Variants in ZFPM2 observed in about 807,000 individuals in gnomAD.
ZFPM2 encodes the protein zinc finger protein, FOG family member 2.
Under a neutral mutation model 98.6 loss-of-function variants are expected in ZFPM2, and 20 were observed. The observed-to-expected ratio is 0.20, with a 90% CI of 0.14 to 0.29. The LOEUF (loss-of-function observed/expected upper bound fraction) is 0.29. Among genes scored for constraint, ZFPM2 ranks in the 10% least tolerant of loss-of-function variants. ZFPM2 has a pLI of 1.00. For synonymous variants in ZFPM2, 518 were observed against 502.7 expected, an observed-to-expected ratio of 1.03 and a Z score of -0.41; for missense variants, 1,310 against 1,388.6, an observed-to-expected ratio of 0.94 and a Z score of 0.90.
At chr8:105,606,240 T>C (rs911576133) in intron 4 of ZFPM2, among the ~76,000 whole-genome samples, 9 of 152,140 alleles carry the variant, frequency 5.9e-5, no homozygotes, top group Non-Finnish European at 1.2e-4. Flanking sequence ...ATATTATCTC[T>C]CCTCACCCTA....
At chr8:105,582,655 G>A (rs1484299038) in intron 4 of ZFPM2, among the ~76,000 whole-genome samples, 3 of 152,050 alleles carry the variant, frequency 2.0e-5, no homozygotes, top group South Asian at 2.1e-4. Flanking sequence ...GTGCAGCAGC[G>A]CAATCTCCAC....
intron 5 of ZFPM2, among the ~76,000 whole-genome samples, chr8:105,636,733 C>T (rs910988764): frequency 2.0e-5 from 3 of 152,146 alleles, no homozygotes; most frequent in African/African-American, 4.8e-5. Context: ...CTGAAATAGA[C>T]ATTTCACATA....
At chr8:105,522,776 G>A (rs1183165055) in intron 3 of ZFPM2, among the ~76,000 whole-genome samples, 1 of 151,808 alleles carries the variant, frequency 6.6e-6, no homozygotes, top group Non-Finnish European at 1.5e-5. Flanking sequence ...ATATATTTTT[G>A]TATAGAGTTC....
chr8:105,413,294 A>G (rs1202424087), intron 1 of ZFPM2, among the ~76,000 whole-genome samples: 1 of 151,804 alleles, frequency 6.6e-6, no homozygotes. Flanking sequence ...GTTTAAAATG[A>G]AAAGTTATAT....
At chr8:105,372,052 A>AT (rs1187536538) in intron 1 of ZFPM2, among the ~76,000 whole-genome samples, 2 of 145,106 alleles carry the variant, frequency 1.4e-5, no homozygotes, top group African/African-American at 5.1e-5. Flanking sequence ...TTATTATTTT[A>AT]TTTTTTTTGA....
At chr8:105,645,288 T>C (rs1414071926) in intron 5 of ZFPM2, among the ~76,000 whole-genome samples, 1 of 152,242 alleles carries the variant, frequency 6.6e-6, no homozygotes, top group Non-Finnish European at 1.5e-5. Context: ...ACATTTATAA[T>C]TTACAAGATT....
At chr8:105,552,828 T>TTTTTG (rs1259872615) in intron 3 of ZFPM2, among the ~76,000 whole-genome samples, 133 of 150,176 alleles carry the variant, frequency 8.9e-4, no homozygotes, top group African/African-American at 3.1e-3. Flanking sequence ...TTTTTTTTTT[T>TTTTTG]TTTTTAAAGA....
Position 105,318,842 on chromosome 8 carries a change from GC to G in ZFPM2, c.-98del. ...TCCGGCCGGCGGCGGGCCGAGCCTG[GC>G]CAGCGGCGGCGGCGGCGGCGGCGGC... On this transcript the variant is annotated 5_prime_UTR_variant, in exon 1 of 8. Coordinates refer to ENST00000407775, the MANE Select transcript of ZFPM2 (RefSeq NM_012082.4). The G allele has an allele frequency of 1.4e-6, 1 of 721,240 alleles. No individual in the cohort carries two copies. The highest frequency in any genetic ancestry group is 1.6e-6 in the Non-Finnish European group (1 of 606,830). 44.7% of individuals were successfully genotyped at this position (721,240 alleles called of 1,614,324 possible).
At chr8:105,547,821 T>C (rs990835858) in intron 3 of ZFPM2, among the ~76,000 whole-genome samples, 3 of 152,266 alleles carry the variant, frequency 2.0e-5, no homozygotes, top group Middle Eastern at 3.4e-3. Context: ...ATTTCTATCT[T>C]CTGATATTAT....
At chr8:105,644,105 T>C (rs768825892) in intron 5 of ZFPM2, among the ~76,000 whole-genome samples, 2 of 152,056 alleles carry the variant, frequency 1.3e-5, no homozygotes, top group Non-Finnish European at 2.9e-5. Flanking sequence ...AACTTATTAC[T>C]TGGCCTTATA....
At chr8:105,533,711 T>TTCCTTTCTCCCTCCCTCCC (rs1814348506) in intron 3 of ZFPM2, among the ~76,000 whole-genome samples, 1 of 92,096 alleles carries the variant, frequency 1.1e-5, no homozygotes, top group South Asian at 4.7e-4. Flanking sequence ...CCCTCCCTCC[T>TTCCTTTCTCCCTCCCTCCC]TACTTTCTCC....
At chr8:105,716,175 AT>A (rs1186519826) in intron 5 of ZFPM2, among the ~76,000 whole-genome samples, 1 of 149,838 alleles carries the variant, frequency 6.7e-6, no homozygotes, top group Non-Finnish European at 1.5e-5. Context: ...TTATATATAA[AT>A]ATGTAAATAA....
intron 5 of ZFPM2, among the ~76,000 whole-genome samples, chr8:105,657,437 C>A (rs1254249780): frequency 6.6e-6 from 1 of 152,104 alleles, no homozygotes; most frequent in Admixed American, 6.5e-5. Flanking sequence ...TCGCACCTGG[C>A]CGTAATGCTC....
At chr8:105,546,794 C>T (rs1372988185) in intron 3 of ZFPM2, among the ~76,000 whole-genome samples, 1 of 152,056 alleles carries the variant, frequency 6.6e-6, no homozygotes, top group Non-Finnish European at 1.5e-5. Context: ...AGATGGTTAG[C>T]AAAGTTTTTC....
intron 3 of ZFPM2, among the ~76,000 whole-genome samples, chr8:105,501,164 C>G (rs566543119): frequency 1.2e-3 from 186 of 150,364 alleles, no homozygotes; most frequent in Admixed American, 2.1e-3. Context: ...GAAGTTCAAA[C>G]AATATGAATT....
intron 5 of ZFPM2, among the ~76,000 whole-genome samples, chr8:105,771,487 G>A (rs1188968975): frequency 1.3e-5 from 2 of 152,144 alleles, no homozygotes; most frequent in Admixed American, 6.6e-5. Context: ...AAACAATGGT[G>A]TGCTCTTAAG....
At chr8:105,608,916 T>C (rs2130796058) in intron 4 of ZFPM2, among the ~76,000 whole-genome samples, 1 of 152,188 alleles carries the variant, frequency 6.6e-6, no homozygotes, top group East Asian at 1.9e-4. Context: ...AAAGTATTTA[T>C]TGATGAACTA....
intron 5 of ZFPM2, among the ~76,000 whole-genome samples, chr8:105,689,395 C>T (rs1810822356): frequency 6.6e-6 from 1 of 152,164 alleles, no homozygotes; most frequent in African/African-American, 2.4e-5. Flanking sequence ...TATTACAATA[C>T]ACTCCAGTTA....
intron 5 of ZFPM2, among the ~76,000 whole-genome samples, chr8:105,717,604 T>C (rs1354794168): frequency 3.3e-5 from 5 of 150,728 alleles, no homozygotes; most frequent in African/African-American, 1.2e-4. Context: ...TGTTTGTTGT[T>C]CTTGGGCTTT....
Sources: gnomAD v4.1 joint callset for allele counts (sites outside exome capture counted in the v4.1 genomes callset) on GRCh38, gnomAD v4.1.1 for gene constraint, MANE v1.5 for transcripts, NCBI Gene and HGNC (gene_info 2026-07-23, HGNC 2026-07-21) for gene names.